The following SPRY3 variants were observed in gnomAD, a reference collection of about 807,000 sequenced individuals.
SPRY3 encodes sprouty RTK signaling antagonist 3.
A neutral mutation model predicts 20.2 loss-of-function variants in SPRY3; 15 were observed. The observed-to-expected ratio is 0.74, with a 90% CI of 0.50 to 1.14. SPRY3 has a LOEUF of 1.14. Ranked by LOEUF, SPRY3 falls within the 50% of genes most tolerant of loss-of-function variation. SPRY3 has a pLI of 0.00. For missense variants in SPRY3, 364 were observed against 363.9 expected, an observed-to-expected ratio of 1.00 and a Z score of 0.00; for synonymous variants, 143 against 136.5, an observed-to-expected ratio of 1.05 and a Z score of -0.33.
At chrX:155,716,108 C>A (rs1036303796) in intron 2 of SPRY3, among the ~76,000 whole-genome samples, 1 of 152,130 alleles carries the variant, frequency 6.6e-6, no homozygotes, top group Non-Finnish European at 1.5e-5. Context: ...GGTGTTCCAG[C>A]AGGGGGGATG....
chrX:155,673,077 A>AGG (rs201656095), intron 2 of SPRY3, among the ~76,000 whole-genome samples: 1 of 27,531 alleles, frequency 3.6e-5, no homozygotes, highest in African/African-American at 1.2e-4. Flanking sequence ...GGGTGGGGTG[A>AGG]GGGGGAGGGA....
intron 2 of SPRY3, among the ~76,000 whole-genome samples, chrX:155,708,661 T>A (rs748459983): frequency 6.6e-6 from 1 of 151,630 alleles, no homozygotes; most frequent in East Asian, 1.9e-4. Flanking sequence ...TGAGATATTT[T>A]GGTACAGATA....
intron 2 of SPRY3, among the ~76,000 whole-genome samples, chrX:155,734,104 T>C (rs371629521): frequency 2.6e-5 from 4 of 152,256 alleles, no homozygotes; most frequent in African/African-American, 9.6e-5. Flanking sequence ...AACTTTTTCT[T>C]TGCATTCACA....
At chrX:155,757,362 A>T (rs2091287372) in intron 2 of SPRY3, among the ~76,000 whole-genome samples, 1 of 152,054 alleles carries the variant, frequency 6.6e-6, no homozygotes, top group African/African-American at 2.4e-5. Context: ...TTGCTCCCTC[A>T]CTTTGAGACT....
rs55865452 is a variant in SPRY3 at position 155,632,219 on chromosome X, C to CCACACACACACACACACA, written c.-441+19582_-441+19599dup. 2.6e-4 allele frequency among the ~76,000 whole-genome samples: 26 copies of CCACACACACACACACACA among 98,644 alleles called. 1 individual carries two copies. The highest frequency in any genetic ancestry group is 4.9e-4 in the Non-Finnish European group (24 of 48,912). 85.7% of individuals were successfully genotyped at this position (98,644 alleles called of 115,157 possible). A position where few individuals can be genotyped will look rare whatever the true frequency, so the allele number is the denominator to read the frequency against. Reference sequence around the variant, plus strand: ...TCATCATATGTGATTTCCACAGCCACCACACACACACACACACACACACAC... The same window carrying CCACACACACACACACACA: ...TCATCATATGTGATTTCCACAGCCACCACACACACACACACACACACACACACACACACACACACACAC... On this transcript the variant is annotated intron_variant, in intron 1 of 3. Coordinates refer to ENST00000675360, the Ensembl canonical transcript of SPRY3.
intron 2 of SPRY3, among the ~76,000 whole-genome samples, chrX:155,714,757 A>G (rs959311961): frequency 6.6e-6 from 1 of 152,070 alleles, no homozygotes; most frequent in African/African-American, 2.4e-5. Flanking sequence ...CTGATGTTCT[A>G]TTCTACTGTG....
intron 2 of SPRY3, among the ~76,000 whole-genome samples, chrX:155,748,045 T>G (rs931853409): frequency 2.0e-5 from 3 of 151,936 alleles, no homozygotes; most frequent in Admixed American, 2.0e-4. Flanking sequence ...GGAACTGGTG[T>G]GTGGAACACA....
intron 2 of SPRY3, among the ~76,000 whole-genome samples, chrX:155,723,080 G>C (rs1465460918): frequency 6.6e-6 from 1 of 152,070 alleles, no homozygotes; most frequent in Non-Finnish European, 1.5e-5. Context: ...ATGGTTTCCA[G>C]CTTCATCCAC....
At chrX:155,767,063 A>C (rs767200226) in intron 2 of SPRY3, among the ~76,000 whole-genome samples, 10 of 151,898 alleles carry the variant, frequency 6.6e-5, no homozygotes, top group African/African-American at 2.4e-4. Context: ...GTTACTCTCC[A>C]CCCCACCCCC....
At chrX:155,704,539 G>A (rs962186157) in intron 2 of SPRY3, among the ~76,000 whole-genome samples, 1 of 151,624 alleles carries the variant, frequency 6.6e-6, no homozygotes, top group African/African-American at 2.4e-5. Context: ...AATATCAAAT[G>A]TTCTAACATT....
At chrX:155,661,218 G>T (rs1164380357) in intron 2 of SPRY3, among the ~76,000 whole-genome samples, 4 of 111,697 alleles carry the variant, frequency 3.6e-5, no homozygotes, top group Non-Finnish European at 7.5e-5. Flanking sequence ...TTGTAGGACT[G>T]GTCTAGCGGT....
chrX:155,651,078 CTTTTTTT>C lies in SPRY3; in HGVS notation c.-440-5780_-440-5774del, dbSNP rs374328833. On this transcript the variant is annotated intron_variant, in intron 1 of 3. Transcript: ENST00000675360. ...ATCCTAACCACCATTGATGTTATCA[CTTTTTTT>C]TTTTTTTTGAAACAGAGTCTTACTC... 4.0e-5 allele frequency among the ~76,000 whole-genome samples: 4 copies of C among 100,798 alleles called. No individual in the cohort carries two copies. In the East Asian group the frequency reaches 1.2e-3, roughly 31 times the overall value. The allele number at this position is 100,798 out of a possible 115,157, so 87.5% of individuals were successfully genotyped here. A position where few individuals can be genotyped will look rare whatever the true frequency, so the allele number is the denominator to read the frequency against.
At chrX:155,767,738 G>GGAGGAGGAGGAGAA (rs2091347242) in intron 2 of SPRY3, 1 of 57,268 alleles carries the variant, frequency 1.7e-5, no homozygotes, top group African/African-American at 6.8e-5. Context: ...GAGGAGGAGA[G>GGAGGAGGAGGAGAA]AGAGGAGGAG....
At chrX:155,624,892 CAGAT>C (rs1449823756) in intron 1 of SPRY3, among the ~76,000 whole-genome samples, 1 of 111,326 alleles carries the variant, frequency 9.0e-6, no homozygotes, top group African/African-American at 3.2e-5. Context: ...CACGGAATAA[CAGAT>C]AGAAATGGCT....
At chrX:155,696,087 G>A (rs904706080) in intron 2 of SPRY3, among the ~76,000 whole-genome samples, 1 of 110,491 alleles carries the variant, frequency 9.1e-6, no homozygotes, top group African/African-American at 3.3e-5. Context: ...AATGAATGCT[G>A]ATGTTTTGTT....
At chrX:155,768,530 C>T (rs530347594) in intron 3 of SPRY3, among the ~76,000 whole-genome samples, 4 of 152,314 alleles carry the variant, frequency 2.6e-5, no homozygotes, top group South Asian at 2.1e-4. Flanking sequence ...GGCTGCCCAG[C>T]GGGCATCCTG....
chrX:155,708,424 C>T (rs1445377119), intron 2 of SPRY3, among the ~76,000 whole-genome samples: 1 of 151,312 alleles, frequency 6.6e-6, no homozygotes, highest in Non-Finnish European at 1.5e-5. Flanking sequence ...TTATCTCCTG[C>T]TGCTTTCTAA....
intron 2 of SPRY3, among the ~76,000 whole-genome samples, chrX:155,710,909 C>T (rs773949541): frequency 2.6e-5 from 4 of 151,504 alleles, no homozygotes; most frequent in South Asian, 4.2e-4. Flanking sequence ...CTTTATTAAG[C>T]GTTTATTTTA....
chrX:155,625,089 CT>C (rs1557349820), intron 1 of SPRY3, among the ~76,000 whole-genome samples: 1 of 111,647 alleles, frequency 9.0e-6, no homozygotes, highest in African/African-American at 3.2e-5. Context: ...TTTGAGGCAT[CT>C]TTTTAAAACA....
Sources: gnomAD v4.1 joint callset for allele counts (sites outside exome capture counted in the v4.1 genomes callset) on GRCh38, gnomAD v4.1.1 for gene constraint, MANE v1.5 for transcripts, NCBI Gene and HGNC (gene_info 2026-07-23, HGNC 2026-07-21) for gene names.